The following CYP19A1 variants were observed in gnomAD, a reference collection of about 807,000 sequenced individuals.
The protein encoded by CYP19A1 is aromatase.
In CYP19A1, 32 loss-of-function variants were observed where a neutral mutation model predicts 44.4. That is an observed-to-expected ratio of 0.72 (90% confidence interval 0.54 to 0.97). The LOEUF is 0.97. CYP19A1 is among the 50% of genes least tolerant of loss of function. CYP19A1 has a pLI of 0.00. For missense variants in CYP19A1, 598 were observed against 637.8 expected (o/e 0.94, Z 0.67); for synonymous variants, 212 against 215.6 (o/e 0.98, Z 0.14).
In CYP19A1 at chr15:51,212,370, C is replaced by G; in HGVS notation, c.1213G>C (p.Glu405Gln). The G allele has an allele frequency of 1.3e-6, 2 of 1,596,134 alleles. No individual in the cohort carries two copies. The highest frequency in any genetic ancestry group is 1.7e-6 in the Non-Finnish European group (2 of 1,163,554). ...AATTCATTGGGTTTGGGGAAAAACT[C>G]GAGTCTGTGCATCCTTCCAATATTC... ...ILNIGRMHRL[E>Q]FFPKPNEFTL... Residue 405 changes from glutamate to glutamine, a missense_variant, in exon 9 of 10, where the codon GAG becomes CAG. Glu to Gln is a conservative substitution (Grantham distance 29). Transcript: ENST00000396402.
intron 1 of CYP19A1, chr15:51,278,017 C>T (rs1049749624): frequency 1.5e-5 from 2 of 135,644 alleles, no homozygotes; most frequent in African/African-American, 5.8e-5. Flanking sequence ...CCTGGGTCTG[C>T]TGGTCACTTC....
intron 1 of CYP19A1, among the ~76,000 whole-genome samples, chr15:51,271,932 C>T (rs1042593698): frequency 1.3e-5 from 2 of 152,198 alleles, no homozygotes; most frequent in East Asian, 1.9e-4. Flanking sequence ...ACCAGTTCTT[C>T]GTTATCTGTT....
At chr15:51,233,570 C>T (rs1337770021) in intron 3 of CYP19A1, among the ~76,000 whole-genome samples, 1 of 152,126 alleles carries the variant, frequency 6.6e-6, no homozygotes, top group Non-Finnish European at 1.5e-5. Context: ...ATAATAAATT[C>T]TCAGTAAATG....
At chr15:51,220,403 G>T (rs1055221815) in intron 5 of CYP19A1, among the ~76,000 whole-genome samples, 2 of 152,188 alleles carry the variant, frequency 1.3e-5, no homozygotes, top group African/African-American at 4.8e-5. Flanking sequence ...TTGAAGGCAA[G>T]AATTTTATCT....
At chr15:51,317,531 G>T (rs1475332070) in intron 1 of CYP19A1, among the ~76,000 whole-genome samples, 1 of 152,220 alleles carries the variant, frequency 6.6e-6, no homozygotes, top group Non-Finnish European at 1.5e-5. Flanking sequence ...TGCTGCAGGG[G>T]ATGCAAAGGT....
intron 1 of CYP19A1, among the ~76,000 whole-genome samples, chr15:51,266,778 G>T (rs2140944877): frequency 6.6e-6 from 1 of 152,324 alleles, no homozygotes; most frequent in Non-Finnish European, 1.5e-5. Context: ...CCCAGGGCAG[G>T]GCACGGAAAG....
chr15:51,254,273 C>T (rs115736374), intron 1 of CYP19A1, among the ~76,000 whole-genome samples: 2 of 152,306 alleles, frequency 1.3e-5, no homozygotes, highest in African/African-American at 4.8e-5. Flanking sequence ...AATTTTTCAT[C>T]TAATTTAACT....
At position 51,208,871 on chromosome 15, in the gene CYP19A1, A is replaced by G. The variant is rs1237233141; in HGVS notation, c.*1937T>C. 6.6e-6 allele frequency: 1 copy of G among 151,816 alleles called. No individual in the cohort carries two copies. The highest frequency in any genetic ancestry group is 1.9e-4 in the East Asian group (1 of 5,160). 9.4% of individuals were successfully genotyped at this position (151,816 alleles called of 1,614,324 possible). On this transcript the variant is annotated 3_prime_UTR_variant, in exon 10 of 10. Coordinates refer to ENST00000396402, the MANE Select transcript of CYP19A1 (RefSeq NM_000103.4). ...TCACTTTGACTGTGTAGACATAGAC[A>G]TTGGCTTCATATATACAGATAAAAT... is the stretch of plus-strand genomic sequence containing the variant.
At chr15:51,292,147 C>T (rs530793255) in intron 1 of CYP19A1, among the ~76,000 whole-genome samples, 1 of 152,332 alleles carries the variant, frequency 6.6e-6, no homozygotes, top group East Asian at 1.9e-4. Context: ...GGTGAAGGAA[C>T]TCTCCTTTGG....
chr15:51,315,817 T>C (rs2036415461), intron 1 of CYP19A1: 1 of 152,220 alleles, frequency 6.6e-6, no homozygotes, highest in African/African-American at 2.4e-5. Context: ...GCTCCTCTAT[T>C]TCTTCATGTT....
chr15:51,324,197 C>A (rs1455931324), intron 1 of CYP19A1, among the ~76,000 whole-genome samples: 1 of 152,152 alleles, frequency 6.6e-6, no homozygotes, highest in Admixed American at 6.5e-5. Context: ...CAGAAGACAC[C>A]CCACCAGCCC....
intron 1 of CYP19A1, 86 bp from the exon 2 acceptor site, chr15:51,243,036 G>A: frequency 1.3e-6 from 1 of 773,180 alleles, no homozygotes; most frequent in Non-Finnish European, 2.4e-6. Flanking sequence ...GTGCTGTACA[G>A]TACAGATTCA....
intron 1 of CYP19A1, among the ~76,000 whole-genome samples, chr15:51,302,485 A>T (rs1198228450): frequency 6.6e-6 from 1 of 152,210 alleles, no homozygotes; most frequent in Non-Finnish European, 1.5e-5. Flanking sequence ...AATTCAAAAC[A>T]GTGGCCTATT....
intron 1 of CYP19A1, among the ~76,000 whole-genome samples, chr15:51,249,846 G>T (rs940464750): frequency 3.9e-5 from 6 of 152,184 alleles, no homozygotes; most frequent in Non-Finnish European, 7.3e-5. Context: ...AGCAGGGAAG[G>T]TTCACCCAAG....
rs1211952783 is a variant in CYP19A1 at position 51,225,567 on chromosome 15, C to T, written c.451+2212G>A. ...GCAGTGCTGGGACGCAAACCCACAA[C>T]CTGTAATACTAAGTCCTATACGTTT... On this transcript the variant is annotated intron_variant, in intron 4 of 9. Coordinates refer to ENST00000396402, the MANE Select transcript of CYP19A1 (RefSeq NM_000103.4). Among the ~76,000 whole-genome samples the T allele has an allele frequency of 3.9e-5, 6 of 152,272 alleles. No individual in the cohort carries two copies. In the East Asian group the frequency reaches 1.2e-3, roughly 29 times the overall value.
At chr15:51,332,027 G>C (rs1190364444) in intron 1 of CYP19A1, among the ~76,000 whole-genome samples, 1 of 151,718 alleles carries the variant, frequency 6.6e-6, no homozygotes, top group Non-Finnish European at 1.5e-5. Context: ...TCTCTTTTAA[G>C]AATAATTCTA....
At chr15:51,239,340 A>C (rs765500036) in intron 2 of CYP19A1, among the ~76,000 whole-genome samples, 1 of 152,210 alleles carries the variant, frequency 6.6e-6, no homozygotes, top group Non-Finnish European at 1.5e-5. Context: ...CTGTGTGCAC[A>C]TATACATTCA....
chr15:51,247,811 T>C (rs1479133981), intron 1 of CYP19A1, among the ~76,000 whole-genome samples: 1 of 152,216 alleles, frequency 6.6e-6, no homozygotes, highest in African/African-American at 2.4e-5. Flanking sequence ...TCCTACCATA[T>C]CCCTTCCCAT....
At chr15:51,309,884 G>A (rs2036281021) in intron 1 of CYP19A1, among the ~76,000 whole-genome samples, 1 of 152,120 alleles carries the variant, frequency 6.6e-6, no homozygotes. Context: ...TTGAGGGTGG[G>A]CACTATGTCT....
Sources: allele counts gnomAD v4.1 joint callset (sites outside exome capture counted in the v4.1 genomes callset), GRCh38; gene constraint gnomAD v4.1.1; transcripts MANE v1.5; gene names NCBI Gene and HGNC (gene_info 2026-07-23, HGNC 2026-07-21).